The following LONP2 variants were observed in gnomAD, a reference collection of about 807,000 sequenced individuals.
LONP2 encodes the protein lon protease homolog 2, peroxisomal.
A neutral mutation model predicts 85.6 loss-of-function variants in LONP2; 60 were observed. The observed-to-expected ratio is 0.70, with a 90% CI of 0.57 to 0.87. LONP2 has a LOEUF of 0.87. Among genes scored for constraint, LONP2 ranks in the 40% least tolerant of loss-of-function variants. The probability of loss-of-function intolerance (pLI) is 0.00; values close to 1 mark genes in which losing one functional copy is unlikely to be tolerated. For missense variants in LONP2, 860 were observed against 1,063.5 expected (o/e 0.81, Z 2.66); for synonymous variants, 395 against 389.7 (o/e 1.01, Z -0.16).
At chr16:48,321,604 T>C (rs2151015763) in intron 11 of LONP2, among the ~76,000 whole-genome samples, 1 of 152,356 alleles carries the variant, frequency 6.6e-6, no homozygotes, top group Non-Finnish European at 1.5e-5. Context: ...ACCTAGATGG[T>C]ATAGCTTTCT....
intron 1 of LONP2, among the ~76,000 whole-genome samples, chr16:48,250,475 C>T (rs550001531): frequency 2.0e-5 from 3 of 149,628 alleles, no homozygotes; most frequent in East Asian, 3.9e-4. Flanking sequence ...AGTGAGACTC[C>T]GTCTCAAAAA....
chr16:48,260,622 T>C (rs1400927632), intron 4 of LONP2, among the ~76,000 whole-genome samples: 2 of 152,226 alleles, frequency 1.3e-5, no homozygotes, highest in East Asian at 3.8e-4. Context: ...TTCTGGGGGC[T>C]TTTAAATTAA....
downstream of LONP2, chr16:48,362,322 G>A: frequency 1.2e-6 from 2 of 1,614,172 alleles, no homozygotes; most frequent in Non-Finnish European, 8.5e-7. This position sits in a 1 kb window ranked among gnomAD's most constrained non-coding sequence, Gnocchi z 4.2. Context: ...AAAAAGACTC[G>A]CCAAGTCATT....
At chr16:48,346,950 A>C (rs1959983840) in intron 12 of LONP2, among the ~76,000 whole-genome samples, 1 of 152,138 alleles carries the variant, frequency 6.6e-6, no homozygotes, top group Admixed American at 6.6e-5. Flanking sequence ...CAGGAGTTTG[A>C]GACCAGTCTG....
intron 5 of LONP2, among the ~76,000 whole-genome samples, chr16:48,262,268 T>C (rs529973666): frequency 6.6e-6 from 1 of 152,254 alleles, no homozygotes; most frequent in African/African-American, 2.4e-5. Flanking sequence ...ACCTCACTCA[T>C]CTCTGATACA....
At chr16:48,316,274 A>C (rs1161264357) in intron 11 of LONP2, among the ~76,000 whole-genome samples, 1 of 149,346 alleles carries the variant, frequency 6.7e-6, no homozygotes, top group African/African-American at 2.5e-5. Context: ...GCCAAAGTGC[A>C]AAGTGCTGGG....
chr16:48,298,732 G>A (rs1371698190), intron 9 of LONP2, among the ~76,000 whole-genome samples: 2 of 151,274 alleles, frequency 1.3e-5, no homozygotes, highest in Non-Finnish European at 2.9e-5. Context: ...AAATTTCAGA[G>A]GATTTGAGGA....
At chr16:48,255,562 T>C (rs1971741241) in intron 2 of LONP2, among the ~76,000 whole-genome samples, 1 of 152,230 alleles carries the variant, frequency 6.6e-6, no homozygotes, top group Non-Finnish European at 1.5e-5. Flanking sequence ...TAAAAGTCAT[T>C]CACAGTGCTC....
In LONP2 at chr16:48,357,006, A is replaced by T. The variant is rs765480666; in HGVS notation, c.*5204A>T. The T allele has an allele frequency of 1.3e-5, 2 of 153,542 alleles. No individual in the cohort carries two copies. The highest frequency in any genetic ancestry group is 4.8e-5 in the African/African-American group (2 of 41,504). 9.5% of individuals were successfully genotyped at this position (153,542 alleles called of 1,614,324 possible). On this transcript the variant is annotated 3_prime_UTR_variant, in exon 15 of 15. Coordinates refer to ENST00000285737, the MANE Select transcript of LONP2 (RefSeq NM_031490.5). ...AGAAAGGCCTAAGAAAATTACATCT[A>T]TGATAATAAAGTGTATTTCTTTGTC...
Position 48,354,933 on chromosome 16 carries a change from G to C in LONP2, c.*3131G>C, listed in dbSNP as rs1240375446. 1 of 152,160 alleles carries C rather than the reference G, an allele frequency of 6.6e-6. No individual in the cohort carries two copies. Among genetic ancestry groups the C allele is most frequent in the African/African-American group, 2.4e-5 (1 of 41,430 alleles). The allele number at this position is 152,160 out of a possible 1,614,324, so 9.4% of individuals were successfully genotyped here. A position where few individuals can be genotyped will look rare whatever the true frequency, so the allele number is the denominator to read the frequency against. ...TTGCAGAACCATGACCTATCAAGGTGTTTTGTCAAACAAAAACTAATACTT... is the reference window on the plus strand; with the variant it reads ...TTGCAGAACCATGACCTATCAAGGTCTTTTGTCAAACAAAAACTAATACTT... On this transcript the variant is annotated 3_prime_UTR_variant, in exon 15 of 15. Transcript: ENST00000285737.
Position 48,348,409 on chromosome 16 carries a change from T to A in LONP2, c.2337+119T>A, listed in dbSNP as rs76699581. ...AAACCTTGGTTTTAAGTATATATTATATTTTTATGCCTGTAACTAATTCAT... is the reference window on the plus strand; with the variant it reads ...AAACCTTGGTTTTAAGTATATATTAAATTTTTATGCCTGTAACTAATTCAT... On this transcript the variant is annotated intron_variant, in intron 14 of 14. Coordinates refer to ENST00000285737, the MANE Select transcript of LONP2 (RefSeq NM_031490.5). 4.8e-3 allele frequency: 2,364 copies of A among 492,458 alleles called. 50 individuals are homozygous for A. Among genetic ancestry groups the A allele is most frequent in the African/African-American group, 0.042 (2,125 of 50,128 alleles). 30.5% of individuals were successfully genotyped at this position (492,458 alleles called of 1,614,324 possible). A position where few individuals can be genotyped will look rare whatever the true frequency, so the allele number is the denominator to read the frequency against.
At position 48,270,172 on chromosome 16, in the gene LONP2, G is replaced by T. The variant is rs1407323046; in HGVS notation, c.1139G>T (p.Gly380Val). 6.2e-7 allele frequency: 1 copy of T among 1,614,054 alleles called. No homozygotes were observed. The highest frequency in any genetic ancestry group is 8.5e-7 in the Non-Finnish European group (1 of 1,179,970). Residue 380 changes from glycine to valine, a missense_variant, in exon 7 of 15, where the codon GGT becomes GTT. This residue lies in a region of LONP2 where 743 missense variants were observed against 917.3 expected (regional missense o/e 0.81). Coordinates refer to ENST00000285737, the MANE Select transcript of LONP2 (RefSeq NM_031490.5). Reference sequence around the variant, plus strand: ...TGCTTTGTTGGCCCTCCTGGAGTTGGTAAAACAAGTGTGGGAAGATCAGTG... The same window carrying T: ...TGCTTTGTTGGCCCTCCTGGAGTTGTTAAAACAAGTGTGGGAAGATCAGTG... Reference protein sequence around the residue: ...ILCFVGPPGVGKTSVGRSVAK... With the variant: ...ILCFVGPPGVVKTSVGRSVAK...
At chr16:48,361,420 A>G, downstream of LONP2, 1 of 655,048 alleles carries the variant, frequency 1.5e-6, no homozygotes, top group Non-Finnish European at 2.6e-6. Flanking sequence ...GTGTTACTAC[A>G]TGCAACTGTT....
At chr16:48,361,193 CAGTT>C (rs1371726210), downstream of LONP2, 3 of 199,822 alleles carry the variant, frequency 1.5e-5, no homozygotes, top group African/African-American at 2.4e-5. Context: ...GATGGCTTGT[CAGTT>C]AAAGGAAAAA....
chr16:48,267,597 G>A (rs1419648713), intron 6 of LONP2, among the ~76,000 whole-genome samples: 1 of 151,698 alleles, frequency 6.6e-6, no homozygotes, highest in African/African-American at 2.4e-5. Flanking sequence ...ACTGTGTCCA[G>A]CCTAAATATC....
intron 1 of LONP2, among the ~76,000 whole-genome samples, 168 bp from the exon 2 acceptor site, chr16:48,251,963 G>T (rs181031148): frequency 6.6e-6 from 1 of 152,130 alleles, no homozygotes; most frequent in African/African-American, 2.4e-5. Context: ...GAGGGTAGTG[G>T]CAGAAGAGGC....
At position 48,261,312 on chromosome 16, in the gene LONP2, C is replaced by T. The variant is rs1971868495; in HGVS notation, c.724-112C>T. On this transcript the variant is annotated intron_variant, in intron 4 of 14. Transcript: ENST00000285737. ...GAACTTCACTTCCTAAAGATAGAGA[C>T]TGTAGTCATAAAAATATTTATTCAG... 1.1e-5 allele frequency: 8 copies of T among 745,188 alleles called. No homozygotes were observed. In the South Asian group the frequency reaches 2.1e-4, roughly 19 times the overall value. 46.2% of individuals were successfully genotyped at this position (745,188 alleles called of 1,614,324 possible).
At chr16:48,273,159 A>G (rs1036392224) in intron 7 of LONP2, among the ~76,000 whole-genome samples, 10 of 152,170 alleles carry the variant, frequency 6.6e-5, no homozygotes, top group African/African-American at 9.7e-5. Context: ...ATAGCCAAGG[A>G]AAAAGAAAGC....
chr16:48,312,959 C>T (rs1383451230), intron 11 of LONP2, among the ~76,000 whole-genome samples: 1 of 152,168 alleles, frequency 6.6e-6, no homozygotes, highest in Non-Finnish European at 1.5e-5. Flanking sequence ...ACCAGCCAAG[C>T]TCATGTTTGA....
Sources: allele counts gnomAD v4.1 joint callset (sites outside exome capture counted in the v4.1 genomes callset), GRCh38; gene constraint gnomAD v4.1.1; regional missense constraint gnomAD v4.1.1; non-coding constraint Gnocchi (gnomAD v3.1); transcripts MANE v1.5; gene names NCBI Gene and HGNC (gene_info 2026-07-23, HGNC 2026-07-21).